CDH4: variants seen among roughly 807,000 people sequenced by gnomAD.
The protein encoded by CDH4 is cadherin-4.
In CDH4, 33 loss-of-function variants were observed where a neutral mutation model predicts 86.0. That is an observed-to-expected ratio of 0.38 (90% CI 0.29 to 0.51). The LOEUF is 0.51. CDH4 is among the 20% of genes least tolerant of loss of function. The pLI, the probability that CDH4 is intolerant of heterozygous loss-of-function variation, is 0.86. For synonymous variants in CDH4, 555 were observed against 549.4 expected (o/e 1.01, Z -0.14); for missense variants, 1,114 against 1,307.4 (o/e 0.85, Z 2.28).
intron 4 of CDH4, among the ~76,000 whole-genome samples, chr20:61,821,025 C>T (rs966963279): frequency 4.6e-5 from 7 of 151,862 alleles, no homozygotes; most frequent in Non-Finnish European, 1.0e-4. Context: ...GGGCAGTTCC[C>T]GCTACCCCCC....
chr20:61,306,792 C>T (rs79875544), intron 2 of CDH4, among the ~76,000 whole-genome samples: 3,123 of 152,258 alleles, frequency 0.021, 91 homozygotes, highest in East Asian at 0.13. Flanking sequence ...TCCTCACACC[C>T]TTCCACCTGG....
Position 61,560,632 on chromosome 20 carries a change from G to A in CDH4, c.170-182931G>A, listed in dbSNP as rs146211110. 3.9e-3 allele frequency among the ~76,000 whole-genome samples: 590 copies of A among 152,348 alleles called. 5 individuals are homozygous for A. The highest frequency in any genetic ancestry group is 0.013 in the African/African-American group (553 of 41,594). ...GACAAAGGTCACAGCAGCCCCACCC[G>A]CGGGGCCCTGGCGAGGGCTGAGTGC... On this transcript the variant is annotated intron_variant, in intron 2 of 15. Coordinates refer to ENST00000614565, the MANE Select transcript of CDH4 (RefSeq NM_001794.5).
At chr20:61,904,191 A>G (rs1177190916) in intron 8 of CDH4, among the ~76,000 whole-genome samples, 2 of 152,064 alleles carry the variant, frequency 1.3e-5, no homozygotes, top group East Asian at 1.9e-4. Flanking sequence ...CAGGGATTGG[A>G]TGTTAGGGGC....
At chr20:61,281,050 A>G (rs2084255977) in intron 2 of CDH4, among the ~76,000 whole-genome samples, 1 of 152,220 alleles carries the variant, frequency 6.6e-6, no homozygotes, top group South Asian at 2.1e-4. Flanking sequence ...GAGGGACATA[A>G]TGGTAGAAAT....
At position 61,254,944 on chromosome 20, in the gene CDH4, CGGGGTGTGGA is replaced by C. The variant is rs1568769130; in HGVS notation, c.169+14_169+23del. On this transcript the variant is annotated splice_region_variant and intron_variant, in intron 2 of 15. Transcript: ENST00000614565. Reference sequence around the variant, plus strand: ...GGGGAAAAGCTACTTCAAGGTAAGGCGGGGTGTGGAGGGGTGGGAGTGAATTGCTGCCATG... The same window carrying C: ...GGGGAAAAGCTACTTCAAGGTAAGGCGGGGTGGGAGTGAATTGCTGCCATG... 1 of 1,466,956 alleles carries C rather than the reference CGGGGTGTGGA, an allele frequency of 6.8e-7. No homozygotes were observed. Among genetic ancestry groups the C allele is most frequent in the African/African-American group, 1.4e-5 (1 of 71,886 alleles). The allele number at this position is 1,466,956 out of a possible 1,614,324, so 90.9% of individuals were successfully genotyped here. A position where few individuals can be genotyped will look rare whatever the true frequency, so the allele number is the denominator to read the frequency against.
rs77715577 is a variant in CDH4, at chr20:61,463,964, A to C, written c.169+209027A>C. On this transcript the variant is annotated intron_variant, in intron 2 of 15. Coordinates refer to ENST00000614565, the MANE Select transcript of CDH4 (RefSeq NM_001794.5). ...AGGCTGTCTTGGCCCCAGGGAAATGACAAAGGAAGGGTTTGAACTTATACC... is the reference window on the plus strand; with the variant it reads ...AGGCTGTCTTGGCCCCAGGGAAATGCCAAAGGAAGGGTTTGAACTTATACC... 7.7e-3 allele frequency among the ~76,000 whole-genome samples: 1,173 copies of C among 152,328 alleles called. 9 individuals are homozygous for C. Among genetic ancestry groups the C allele is most frequent in the South Asian group, 0.013 (61 of 4,826 alleles).
intron 2 of CDH4, among the ~76,000 whole-genome samples, chr20:61,672,416 A>G (rs1201262252): frequency 6.6e-6 from 1 of 152,202 alleles, no homozygotes; most frequent in African/African-American, 2.4e-5. Flanking sequence ...TGCAAAGCCC[A>G]GTCCATCAAG....
intron 2 of CDH4, among the ~76,000 whole-genome samples, chr20:61,637,793 G>A (rs2086962801): frequency 6.6e-6 from 1 of 152,122 alleles, no homozygotes; most frequent in Non-Finnish European, 1.5e-5. Flanking sequence ...GGCGGAGGCG[G>A]GCGGATCACC....
intron 2 of CDH4, among the ~76,000 whole-genome samples, chr20:61,411,120 T>A (rs112868034): frequency 2.7e-5 from 4 of 146,800 alleles, no homozygotes; most frequent in Admixed American, 1.4e-4. Context: ...CCGTCTTTCC[T>A]TCCATCCATC....
chr20:61,843,189 G>A (rs931092219), intron 4 of CDH4, among the ~76,000 whole-genome samples: 8 of 151,184 alleles, frequency 5.3e-5, no homozygotes, highest in African/African-American at 1.7e-4. Flanking sequence ...GGTGGCTCAC[G>A]CCTGTAATCC....
intron 2 of CDH4, among the ~76,000 whole-genome samples, chr20:61,728,554 C>T (rs555291826): frequency 1.3e-4 from 20 of 152,200 alleles, no homozygotes; most frequent in African/African-American, 4.3e-4. Flanking sequence ...CATGCCCCAG[C>T]GGTGGAACCT....
At chr20:61,453,336 G>A (rs149557959) in intron 2 of CDH4, among the ~76,000 whole-genome samples, 156 of 152,310 alleles carry the variant, frequency 1.0e-3, no homozygotes, top group Middle Eastern at 0.01. Context: ...GAAGATGCAA[G>A]TTCCTGTGGG....
chr20:61,565,849 G>A (rs1200892308), intron 2 of CDH4, among the ~76,000 whole-genome samples: 4 of 152,224 alleles, frequency 2.6e-5, no homozygotes, highest in Non-Finnish European at 5.9e-5. Context: ...CCTGGACGCT[G>A]TCATGAGGTT....
chr20:61,909,425 G>C (rs1445666951), intron 8 of CDH4, among the ~76,000 whole-genome samples: 9 of 152,250 alleles, frequency 5.9e-5, no homozygotes, highest in Admixed American at 3.9e-4. Flanking sequence ...CCAGAAGTCA[G>C]CATGAGCTTG....
intron 2 of CDH4, among the ~76,000 whole-genome samples, chr20:61,504,848 C>T (rs1413470195): frequency 6.6e-6 from 1 of 152,242 alleles, no homozygotes; most frequent in Non-Finnish European, 1.5e-5. Flanking sequence ...GCTCCGCTTC[C>T]ATACCCGTAC....
chr20:61,288,971 AG>A (rs1295357957), intron 2 of CDH4, among the ~76,000 whole-genome samples: 2 of 64,200 alleles, frequency 3.1e-5, no homozygotes, highest in Non-Finnish European at 7.9e-5. Context: ...CTATTAGGGA[AG>A]GAAAAAAAAT....
chr20:61,772,883 A>G (rs1241104549), intron 3 of CDH4, 120 bp from the exon 4 acceptor site: 3 of 772,686 alleles, frequency 3.9e-6, no homozygotes, highest in Non-Finnish European at 5.7e-6. Context: ...TCCTTGTCCC[A>G]GCGTTACCCG....
In CDH4 at chr20:61,732,438, C is replaced by T. The variant is rs552113888; in HGVS notation, c.170-11125C>T. 2.1e-3 allele frequency among the ~76,000 whole-genome samples: 321 copies of T among 152,268 alleles called. 2 individuals are homozygous for T. The highest frequency in any genetic ancestry group is 7.4e-3 in the African/African-American group (307 of 41,552). ...GCCCACAGGCACTGCCCCATCCCTC[C>T]CTGCCTCCTCCTCGCTCCCTTCCTG... On this transcript the variant is annotated intron_variant, in intron 2 of 15. Transcript: ENST00000614565.
At chr20:61,448,225 C>A (rs367705787) in intron 2 of CDH4, among the ~76,000 whole-genome samples, 2 of 152,236 alleles carry the variant, frequency 1.3e-5, no homozygotes, top group African/African-American at 4.8e-5. Flanking sequence ...CCAGGAATCA[C>A]GGACAGCTGG....
Sources: allele counts gnomAD v4.1 joint callset (sites outside exome capture counted in the v4.1 genomes callset), GRCh38; gene constraint gnomAD v4.1.1; transcripts MANE v1.5; gene names NCBI Gene and HGNC (gene_info 2026-07-23, HGNC 2026-07-21).